RPH3A: variants seen among roughly 807,000 people sequenced by gnomAD.
RPH3A encodes the protein rabphilin 3A.
In RPH3A, 48 loss-of-function variants were observed where a neutral mutation model predicts 102.2. That is an observed-to-expected ratio of 0.47 (90% CI 0.37 to 0.60). RPH3A has a LOEUF of 0.60. Ranked by LOEUF, RPH3A falls within the 20% of genes least tolerant of loss-of-function variation. RPH3A has a pLI of 0.00. For missense variants in RPH3A, 781 were observed against 910.1 expected, an observed-to-expected ratio of 0.86 and a Z score of 1.83; for synonymous variants, 310 against 324.3, an observed-to-expected ratio of 0.96 and a Z score of 0.47.
chr12:112,632,126 G>A (rs1239632886), intron 1 of RPH3A, among the ~76,000 whole-genome samples: 3 of 152,118 alleles, frequency 2.0e-5, no homozygotes, highest in Non-Finnish European at 4.4e-5. Flanking sequence ...GAGTTCCCCT[G>A]CACAAGCTCT....
At chr12:112,860,615 T>C (rs912786865) in intron 5 of RPH3A, among the ~76,000 whole-genome samples, 1 of 152,208 alleles carries the variant, frequency 6.6e-6, no homozygotes, top group Non-Finnish European at 1.5e-5. Flanking sequence ...GAATTGGATT[T>C]GTCCCACGCC....
intron 1 of RPH3A, among the ~76,000 whole-genome samples, chr12:112,663,811 A>G (rs2040066786): frequency 6.6e-6 from 1 of 152,120 alleles, no homozygotes; most frequent in African/African-American, 2.4e-5. Context: ...AAAAATGCTC[A>G]CCCCAAAGCT....
chr12:112,857,853 C>A, intron 5 of RPH3A, among the ~76,000 whole-genome samples: 1 of 147,222 alleles, frequency 6.8e-6, no homozygotes, highest in East Asian at 1.9e-4. Context: ...AAGACTTGCT[C>A]AGCTCCATGT....
At chr12:112,697,261 G>T (rs187600265) in intron 1 of RPH3A, among the ~76,000 whole-genome samples, 81 of 152,162 alleles carry the variant, frequency 5.3e-4, no homozygotes, top group Non-Finnish European at 7.1e-4. Flanking sequence ...ACTCATAAGA[G>T]AATTTAGCAA....
At chr12:112,608,994 T>C (rs948934077) in intron 1 of RPH3A, among the ~76,000 whole-genome samples, 2 of 152,220 alleles carry the variant, frequency 1.3e-5, no homozygotes, top group African/African-American at 4.8e-5. Flanking sequence ...TTTTTAGTCA[T>C]ACTAGCCACG....
At chr12:112,697,293 T>C (rs2040359683) in intron 1 of RPH3A, among the ~76,000 whole-genome samples, 1 of 152,130 alleles carries the variant, frequency 6.6e-6, no homozygotes, top group African/African-American at 2.4e-5. Context: ...ACAATGGCAA[T>C]ATAAAAAATT....
intron 2 of RPH3A, among the ~76,000 whole-genome samples, chr12:112,821,916 C>A (rs757641368): frequency 8.6e-5 from 13 of 151,856 alleles, no homozygotes; most frequent in Non-Finnish European, 8.8e-5. Flanking sequence ...GAGAAGCTGG[C>A]AATCTGTGTT....
chr12:112,788,178 C>T (rs924543414), upstream of RPH3A, among the ~76,000 whole-genome samples: 2 of 152,128 alleles, frequency 1.3e-5, no homozygotes, highest in South Asian at 2.1e-4. Flanking sequence ...GGCAAGGTCC[C>T]CTGACAAGAC....
chr12:112,718,119 T>C, intron 1 of RPH3A: 1 of 152,332 alleles, frequency 6.6e-6, no homozygotes, highest in South Asian at 2.1e-4. Flanking sequence ...TTTTTCCTAC[T>C]AACTGTGCTG....
intron 1 of RPH3A, among the ~76,000 whole-genome samples, chr12:112,581,347 A>AT: frequency 6.6e-6 from 1 of 152,176 alleles, no homozygotes; most frequent in Non-Finnish European, 1.5e-5. Flanking sequence ...CTTATTCACT[A>AT]TCATGAGAAA....
intron 1 of RPH3A, among the ~76,000 whole-genome samples, chr12:112,705,684 G>T (rs1234383845): frequency 6.6e-6 from 1 of 151,986 alleles, no homozygotes; most frequent in African/African-American, 2.4e-5. Flanking sequence ...ATATTGACTT[G>T]TTTAATATGT....
At chr12:112,658,221 G>A (rs886967540) in intron 1 of RPH3A, among the ~76,000 whole-genome samples, 1 of 152,022 alleles carries the variant, frequency 6.6e-6, no homozygotes, top group African/African-American at 2.4e-5. Flanking sequence ...CTGTCGTCCT[G>A]GCTGAAGTGT....
intron 1 of RPH3A, among the ~76,000 whole-genome samples, chr12:112,671,870 TACAC>T (rs372046825): frequency 4.7e-5 from 7 of 147,596 alleles, no homozygotes; most frequent in Admixed American, 6.8e-5. Context: ...TCTATCTATC[TACAC>T]ACACACACAC....
intron 1 of RPH3A, among the ~76,000 whole-genome samples, chr12:112,774,629 A>C (rs972049262): frequency 1.3e-5 from 2 of 152,234 alleles, no homozygotes; most frequent in African/African-American, 2.4e-5. Flanking sequence ...TGTCCTTTGC[A>C]CATGGATGAA....
At chr12:112,778,094 G>A (rs1189671669) in intron 1 of RPH3A, among the ~76,000 whole-genome samples, 1 of 152,162 alleles carries the variant, frequency 6.6e-6, no homozygotes, top group Non-Finnish European at 1.5e-5. Context: ...TTTAAAAGAA[G>A]GGAAACACCT....
intron 1 of RPH3A, among the ~76,000 whole-genome samples, chr12:112,762,509 C>T (rs2040860662): frequency 6.6e-6 from 1 of 152,136 alleles, no homozygotes; most frequent in Admixed American, 6.5e-5. Flanking sequence ...TGCCTTCCCC[C>T]AATCTTATCA....
intron 1 of RPH3A, among the ~76,000 whole-genome samples, chr12:112,757,695 T>C (rs555572480): frequency 6.6e-6 from 1 of 152,308 alleles, no homozygotes; most frequent in South Asian, 2.1e-4. Flanking sequence ...ACAGAACTGA[T>C]ACAGAGCCCT....
intron 4 of RPH3A, among the ~76,000 whole-genome samples, chr12:112,844,355 C>A (rs2042196324): frequency 6.6e-6 from 1 of 152,192 alleles, no homozygotes; most frequent in African/African-American, 2.4e-5. Context: ...ATGTAGGCAG[C>A]CTCTGGTAGC....
intron 2 of RPH3A, among the ~76,000 whole-genome samples, chr12:112,827,290 A>G (rs534517092): frequency 1.3e-5 from 2 of 152,356 alleles, no homozygotes; most frequent in African/African-American, 4.8e-5. Context: ...TACTTTATAT[A>G]GGTGGAATCT....
Sources: allele counts gnomAD v4.1 joint callset (sites outside exome capture counted in the v4.1 genomes callset), GRCh38; gene constraint gnomAD v4.1.1; transcripts MANE v1.5; gene names NCBI Gene and HGNC (gene_info 2026-07-23, HGNC 2026-07-21).